PCNT: variants seen among roughly 807,000 people sequenced by gnomAD.
PCNT encodes pericentrin, also known as kendrin.
Under a neutral mutation model 380.4 loss-of-function variants are expected in PCNT, and 319 were observed. The ratio of observed to expected loss-of-function variants is 0.84; its 90% confidence interval spans 0.77 to 0.92. The LOEUF (loss-of-function observed/expected upper bound fraction) is 0.92. Among genes scored for constraint, PCNT ranks in the 40% least tolerant of loss-of-function variants. PCNT has a pLI of 0.00. For missense variants in PCNT, 4,400 were observed against 4,255.3 expected, an observed-to-expected ratio of 1.03 and a Z score of -0.95; for synonymous variants, 1,845 against 1,735.2, an observed-to-expected ratio of 1.06 and a Z score of -1.57.
chr21:46,367,678 C>T (rs985655763), intron 15 of PCNT, among the ~76,000 whole-genome samples: 13 of 152,070 alleles, frequency 8.5e-5, no homozygotes, highest in Non-Finnish European at 1.0e-4. Flanking sequence ...GCTTTGCTCT[C>T]GTACGTATGT....
At chr21:46,362,574 G>A (rs891927396) in intron 13 of PCNT, among the ~76,000 whole-genome samples, 7 of 151,794 alleles carry the variant, frequency 4.6e-5, no homozygotes, top group African/African-American at 7.2e-5. Context: ...TCAATCTTAC[G>A]TGCCTTTTTT....
chr21:46,384,912 G>T (rs1334826858), intron 16 of PCNT, among the ~76,000 whole-genome samples: 1 of 152,242 alleles, frequency 6.6e-6, no homozygotes, highest in African/African-American at 2.4e-5. Flanking sequence ...TCATGGTGTT[G>T]TGCGTAGTTC....
At position 46,436,469 on chromosome 21, in the gene PCNT, G is replaced by GCCCCCCCCCCCCCCCCC. The variant is rs769557050; in HGVS notation, c.8996+321_8996+322insCCCCCCCCCCCCCCCCC. On this transcript the variant is annotated intron_variant, in intron 39 of 46. Coordinates refer to ENST00000359568, the MANE Select transcript of PCNT (RefSeq NM_006031.6). ...CAGGGTCGGGTTTGGAGCCTCCTGTGGCCCCCCCCCCCCCCCCCCGCTGGC... is the reference window on the plus strand; with the variant it reads ...CAGGGTCGGGTTTGGAGCCTCCTGTGCCCCCCCCCCCCCCCCCGCCCCCCCCCCCCCCCCCCGCTGGC... Among the ~76,000 whole-genome samples, 28 of 40,034 alleles carry GCCCCCCCCCCCCCCCCC rather than the reference G, an allele frequency of 7.0e-4. 13 individuals are homozygous for GCCCCCCCCCCCCCCCCC. The highest frequency in any genetic ancestry group is 1.5e-3 in the Non-Finnish European group (26 of 17,222). The allele number at this position is 40,034 out of a possible 152,430, so 26.3% of individuals were successfully genotyped here. A position where few individuals can be genotyped will look rare whatever the true frequency, so the allele number is the denominator to read the frequency against.
intron 18 of PCNT, 131 bp downstream of exon 18, chr21:46,389,015 C>T: frequency 7.0e-7 from 1 of 1,419,460 alleles, no homozygotes; most frequent in Non-Finnish European, 9.6e-7. Flanking sequence ...CTGCTAGTTT[C>T]CGCACTTACA....
At position 46,326,436 on chromosome 21, in the gene PCNT, G is replaced by T. The variant is rs1035125039; in HGVS notation, c.114G>T (p.Thr38=). 1 of 1,614,084 alleles carries T rather than the reference G, an allele frequency of 6.2e-7. No homozygotes were observed. Among genetic ancestry groups the T allele is most frequent in the African/African-American group, 1.3e-5 (1 of 74,934 alleles). Residue 38 remains threonine (T), a synonymous_variant, in exon 2 of 47, where the codon ACG becomes ACT. Transcript: ENST00000359568. ...KGDSSHSEKK[T]AKRKGSAVDA... Reference sequence around the variant, plus strand: ...ACAGTTCGCATTCGGAGAAAAAGACGGCGAAGAGGAAGGGCTCGGCTGTCG... The same window carrying T: ...ACAGTTCGCATTCGGAGAAAAAGACTGCGAAGAGGAAGGGCTCGGCTGTCG...
At chr21:46,384,603 C>G (rs1193075984) in intron 16 of PCNT, among the ~76,000 whole-genome samples, 2 of 136,016 alleles carry the variant, frequency 1.5e-5, no homozygotes, top group Admixed American at 7.6e-5. Flanking sequence ...CAGTGCTGTA[C>G]ATTCAGTGGC....
chr21:46,431,075 G>T, intron 37 of PCNT: 1 of 985,492 alleles, frequency 1.0e-6, no homozygotes. Flanking sequence ...AGTTCCATGG[G>T]TTATGGCTTT....
Position 46,398,126 on chromosome 21 carries a change from G to A in PCNT, c.4559G>A (p.Ser1520Asn). ...CCGCAGCCCTGGGGCCCTCGCGACA[G>A]CCAGGTGAGTCAGTGCAGCGTGCAG... ...AKPQPWGPRD[S>N]QQAPLDGEVE... is the part of the protein sequence containing the mutation. The change falls in exon 23 of 47, where the codon AGC becomes AAC. Residue 1520 changes from serine to asparagine, a missense_variant. By Grantham distance (46) the Ser-to-Asn change is conservative. Transcript: ENST00000359568. The A allele has an allele frequency of 6.2e-7, 1 of 1,606,818 alleles. No homozygotes were observed. Among genetic ancestry groups the A allele is most frequent in the African/African-American group, 1.3e-5 (1 of 74,932 alleles).
chr21:46,355,117 C>T (rs1336564219), intron 11 of PCNT, among the ~76,000 whole-genome samples: 2 of 152,144 alleles, frequency 1.3e-5, no homozygotes, highest in Admixed American at 6.5e-5. Flanking sequence ...AGGGGAGACG[C>T]GAGGGGCACG....
At position 46,324,972 on chromosome 21, in the gene PCNT, C is replaced by G. The variant is rs1037034504; in HGVS notation, c.54+690C>G. ...CCGCGCCCTTGGGCTCGCGTCCTGC[C>G]CGTCCGGGCCTGGCGTACGCTGCCG... On this transcript the variant is annotated intron_variant, in intron 1 of 46. Coordinates refer to ENST00000359568, the MANE Select transcript of PCNT (RefSeq NM_006031.6). 4 of 898,206 alleles carry G rather than the reference C, an allele frequency of 4.5e-6. No individual in the cohort carries two copies. The South Asian group carries it at 1.7e-4, about 37-fold the overall frequency. 55.6% of individuals were successfully genotyped at this position (898,206 alleles called of 1,614,324 possible). A position where few individuals can be genotyped will look rare whatever the true frequency, so the allele number is the denominator to read the frequency against.
chr21:46,384,178 G>T (rs564184491), intron 16 of PCNT, among the ~76,000 whole-genome samples: 12 of 142,518 alleles, frequency 8.4e-5, no homozygotes, highest in African/African-American at 3.1e-4. Context: ...CAGCGGAAGC[G>T]CATTCACGGT....
intron 3 of PCNT, among the ~76,000 whole-genome samples, chr21:46,335,437 T>C (rs796832681): frequency 1.8e-4 from 27 of 152,330 alleles, no homozygotes; most frequent in African/African-American, 6.3e-4. Context: ...GGCTCACGCC[T>C]GTAATCCCAG....
At chr21:46,401,157 A>G (rs1237859673) in intron 25 of PCNT, among the ~76,000 whole-genome samples, 1 of 152,272 alleles carries the variant, frequency 6.6e-6, no homozygotes, top group Non-Finnish European at 1.5e-5. Context: ...CATTTTCGTC[A>G]TATTAAATAT....
intron 32 of PCNT, among the ~76,000 whole-genome samples, chr21:46,422,990 A>G (rs907952679): frequency 4.6e-5 from 7 of 152,124 alleles, no homozygotes; most frequent in African/African-American, 1.7e-4. Context: ...GCTCATGCCT[A>G]TGATCCCAGC....
chr21:46,417,625 A>G (rs756871126), intron 30 of PCNT, among the ~76,000 whole-genome samples: 6 of 152,028 alleles, frequency 3.9e-5, no homozygotes, highest in African/African-American at 1.2e-4. Context: ...AAAATCAGGT[A>G]TGGTTGGGCT....
intron 38 of PCNT, among the ~76,000 whole-genome samples, chr21:46,434,795 C>T (rs1368615738): frequency 6.6e-6 from 1 of 152,224 alleles, no homozygotes; most frequent in Non-Finnish European, 1.5e-5. Flanking sequence ...TGTGCATGTT[C>T]ACATGCACAA....
At chr21:46,393,153 A>G (rs1466548377) in intron 21 of PCNT, among the ~76,000 whole-genome samples, 1 of 151,782 alleles carries the variant, frequency 6.6e-6, no homozygotes, top group African/African-American at 2.4e-5. Flanking sequence ...TTGCCCCCGC[A>G]CTCTGTGTGT....
chr21:46,391,422 G>C, intron 21 of PCNT, 46 bp downstream of exon 21: 1 of 1,458,518 alleles, frequency 6.9e-7, no homozygotes, highest in Non-Finnish European at 9.3e-7. Flanking sequence ...GTGGGGCGCG[G>C]ATACAGCTGC....
At chr21:46,428,198 C>G (rs963457838) in intron 34 of PCNT, among the ~76,000 whole-genome samples, 197 bp from the exon 35 acceptor site, 3 of 152,204 alleles carry the variant, frequency 2.0e-5, no homozygotes, top group Non-Finnish European at 4.4e-5. Context: ...AACTGGCTTG[C>G]AGGCCTCACG....
Sources: allele counts gnomAD v4.1 joint callset (sites outside exome capture counted in the v4.1 genomes callset), GRCh38; gene constraint gnomAD v4.1.1; transcripts MANE v1.5; gene names NCBI Gene and HGNC (gene_info 2026-07-23, HGNC 2026-07-21).